Variants in CEP63 observed in about 807,000 individuals in gnomAD.
CEP63 encodes the protein centrosomal protein of 63 kDa.
A neutral mutation model predicts 89.1 loss-of-function variants in CEP63; 84 were observed. The ratio of observed to expected loss-of-function variants is 0.94; its 90% CI spans 0.79 to 1.13. The LOEUF is 1.13. Ranked by LOEUF, CEP63 falls within the 50% of genes most tolerant of loss-of-function variation. The pLI is 0.00. For missense variants in CEP63, 838 were observed against 813.3 expected (o/e 1.03, Z -0.37); for synonymous variants, 267 against 272.5 (o/e 0.98, Z 0.20).
chr3:134,709,798 T>C, the CEP63 span, among the ~76,000 whole-genome samples: 1 of 152,202 alleles, frequency 6.6e-6, no homozygotes, highest in African/African-American at 2.4e-5. Flanking sequence ...TAGCAGTTAT[T>C]ATGAGTCACT....
intron 6 of CEP63, 75 bp downstream of exon 6, chr3:134,537,343 C>A: frequency 1.1e-6 from 1 of 930,256 alleles, no homozygotes; most frequent in Non-Finnish European, 1.8e-6. Context: ...AATGCAGTGT[C>A]CTAGTACCAT....
chr3:134,647,340 G>A, the CEP63 span: 1 of 993,706 alleles, frequency 1.0e-6, no homozygotes, highest in African/African-American at 1.6e-5. Context: ...GTGGTTAGAT[G>A]TCTAGGGCTA....
chr3:134,767,709 C>T, the CEP63 span, among the ~76,000 whole-genome samples: 1 of 152,172 alleles, frequency 6.6e-6, no homozygotes, highest in South Asian at 2.1e-4. Context: ...ATGCACAAAT[C>T]TGGGTCTGGT....
chr3:134,676,076 C>T, the CEP63 span, among the ~76,000 whole-genome samples: 1 of 152,200 alleles, frequency 6.6e-6, no homozygotes, highest in East Asian at 1.9e-4. Flanking sequence ...AGCAATTCTG[C>T]TCCTAGGTAT....
the CEP63 span, among the ~76,000 whole-genome samples, chr3:134,769,535 C>A: frequency 4.6e-5 from 7 of 152,182 alleles, no homozygotes; most frequent in Non-Finnish European, 7.3e-5. Flanking sequence ...TAAACAGTTC[C>A]ACAGGGACTC....
chr3:134,544,641 G>GGC (rs1553774749), intron 6 of CEP63, among the ~76,000 whole-genome samples: 3 of 149,610 alleles, frequency 2.0e-5, no homozygotes, highest in Non-Finnish European at 3.0e-5. Context: ...CTAGGTGGGG[G>GGC]GGGGAATTTA....
chr3:134,546,813 C>T (rs1297461433), intron 8 of CEP63, among the ~76,000 whole-genome samples: 1 of 152,112 alleles, frequency 6.6e-6, no homozygotes, highest in Non-Finnish European at 1.5e-5. Context: ...CTAACAGAGA[C>T]TCTCATGTTT....
intron 12 of CEP63, among the ~76,000 whole-genome samples, chr3:134,556,479 A>G (rs181625842): frequency 6.6e-6 from 1 of 151,492 alleles, no homozygotes; most frequent in East Asian, 2.0e-4. Context: ...GAAGGAAGGG[A>G]GGGAGGGAAC....
intron 3 of CEP63, among the ~76,000 whole-genome samples, chr3:134,514,780 A>G (rs571077929): frequency 3.3e-5 from 5 of 152,350 alleles, no homozygotes; most frequent in Admixed American, 6.5e-5. Flanking sequence ...ATATTAAAAA[A>G]TGTTCTTTAG....
chr3:134,672,391 A>G, the CEP63 span, among the ~76,000 whole-genome samples: 1 of 152,216 alleles, frequency 6.6e-6, no homozygotes, highest in Non-Finnish European at 1.5e-5. Flanking sequence ...CCTAAAAACA[A>G]CTACCAAGAA....
chr3:134,773,478 G>T, the CEP63 span, among the ~76,000 whole-genome samples: 1 of 152,166 alleles, frequency 6.6e-6, no homozygotes, highest in Non-Finnish European at 1.5e-5. Context: ...ATTCCTAGAG[G>T]GAAGGAGTGA....
At chr3:134,662,654 G>A in the CEP63 span, among the ~76,000 whole-genome samples, 20 of 152,336 alleles carry the variant, frequency 1.3e-4, no homozygotes, top group Middle Eastern at 6.8e-3. Flanking sequence ...AACAGGGCTA[G>A]TTCAAATATG....
At chr3:134,628,195 C>G in the CEP63 span, 1 of 239,230 alleles carries the variant, frequency 4.2e-6, no homozygotes, top group Non-Finnish European at 8.3e-6. Flanking sequence ...GGGATAAGAA[C>G]TGACCATGGA....
the CEP63 span, among the ~76,000 whole-genome samples, chr3:134,747,209 G>A: frequency 6.6e-6 from 1 of 152,108 alleles, no homozygotes; most frequent in South Asian, 2.1e-4. Context: ...TTTTTGTCAG[G>A]TTTGTCAAAG....
intron 1 of CEP63, among the ~76,000 whole-genome samples, chr3:134,490,563 T>A (rs1576678404): frequency 6.6e-6 from 1 of 152,222 alleles, no homozygotes; most frequent in Middle Eastern, 3.4e-3. Flanking sequence ...GGTAGTTGAT[T>A]TATTTTATTT....
chr3:134,490,312 G>A (rs2107864138), intron 1 of CEP63, among the ~76,000 whole-genome samples: 1 of 151,998 alleles, frequency 6.6e-6, no homozygotes. Flanking sequence ...GCTGAGTCTT[G>A]GTGCCTAGTG....
At chr3:134,662,117 A>G in the CEP63 span, among the ~76,000 whole-genome samples, 96,106 of 151,824 alleles carry the variant, frequency 0.63, 31,063 homozygotes, top group East Asian at 0.88. Context: ...TCTCTACTAC[A>G]AATACAAAAA....
At chr3:134,754,319 C>T in the CEP63 span, among the ~76,000 whole-genome samples, 1 of 152,312 alleles carries the variant, frequency 6.6e-6, no homozygotes. Flanking sequence ...AGACCCTGGG[C>T]TGCCCATATT....
At chr3:134,673,120 T>A in the CEP63 span, among the ~76,000 whole-genome samples, 1 of 152,130 alleles carries the variant, frequency 6.6e-6, no homozygotes, top group African/African-American at 2.4e-5. Flanking sequence ...CTTCATCAGG[T>A]CTTCAGGAGT....
Sources: gnomAD v4.1 joint callset for allele counts (sites outside exome capture counted in the v4.1 genomes callset) on GRCh38, gnomAD v4.1.1 for gene constraint, MANE v1.5 for transcripts, NCBI Gene and HGNC (gene_info 2026-07-23, HGNC 2026-07-21) for gene names.